STYXL2: variants seen among roughly 807,000 people sequenced by gnomAD.
STYXL2 encodes the protein serine/threonine/tyrosine-interacting-like protein 2.
In STYXL2, 44 loss-of-function variants were observed where a neutral mutation model predicts 52.4. That is an observed-to-expected ratio of 0.84 (90% CI 0.66 to 1.08). The LOEUF (loss-of-function observed/expected upper bound fraction) is 1.08, where lower values mean the gene tolerates loss of function less well. STYXL2 is among the 50% of genes least tolerant of loss of function. STYXL2 has a pLI of 0.00. For synonymous variants in STYXL2, 604 were observed against 586.9 expected, an observed-to-expected ratio of 1.03 and a Z score of -0.42; for missense variants, 1,604 against 1,471.7, an observed-to-expected ratio of 1.09 and a Z score of -1.47.
intron 2 of STYXL2, among the ~76,000 whole-genome samples, chr1:167,103,084 C>T (rs561018221): frequency 2.3e-4 from 24 of 105,116 alleles, no homozygotes; most frequent in African/African-American, 7.2e-4. Context: ...CTGTTGGCTA[C>T]GGGCGTTTCT....
chr1:167,095,040 C>T (rs1667254391), intron 2 of STYXL2, 81 bp downstream of exon 2: 1 of 1,009,472 alleles, frequency 9.9e-7, no homozygotes, highest in Non-Finnish European at 1.5e-6. Flanking sequence ...CTCCAGGGAG[C>T]CTGCAGCCAT....
chr1:167,122,058 G>A (rs114357503), intron 5 of STYXL2, among the ~76,000 whole-genome samples: 5 of 152,100 alleles, frequency 3.3e-5, no homozygotes, highest in Non-Finnish European at 5.9e-5. Flanking sequence ...TAATCACAAA[G>A]AGCCTATGAG....
chr1:167,096,789 TAGTC>T (rs1256598702), intron 2 of STYXL2, among the ~76,000 whole-genome samples: 1 of 152,222 alleles, frequency 6.6e-6, no homozygotes, highest in Non-Finnish European at 1.5e-5. Context: ...TGTACTCCTC[TAGTC>T]AGTCAATCCA....
chr1:167,094,792 G>C (rs1667246165), intron 1 of STYXL2, 42 bp from the exon 2 acceptor site: 1 of 1,407,758 alleles, frequency 7.1e-7, no homozygotes, highest in African/African-American at 1.4e-5. Flanking sequence ...AAAACCTCAG[G>C]AACCTAATTC....
chr1:167,123,517 G>T (rs1051711442), intron 5 of STYXL2, among the ~76,000 whole-genome samples: 1 of 152,260 alleles, frequency 6.6e-6, no homozygotes, highest in East Asian at 1.9e-4. Flanking sequence ...CCTGGTCAGA[G>T]GGTGGAGGGG....
chr1:167,109,243 C>G (rs1441259365), intron 2 of STYXL2, among the ~76,000 whole-genome samples: 1 of 152,200 alleles, frequency 6.6e-6, no homozygotes, highest in Non-Finnish European at 1.5e-5. Context: ...GTGGCAGGGC[C>G]TGAAAGCTCT....
rs779561513 is a variant in STYXL2 at position 167,117,411 on chromosome 1, T to C, written c.289T>C (p.Tyr97His). The C allele has an allele frequency of 6.2e-7, 1 of 1,612,638 alleles. No individual in the cohort carries two copies. Among genetic ancestry groups the C allele is most frequent in the Non-Finnish European group, 8.5e-7 (1 of 1,179,500 alleles). ...TGAACAGCTGCTGGTGGAGGACCTG[T>C]ACAACCGCGTCAGGGAGAAGATGGA... ...SAEQLLVEDL[Y>H]NRVREKMDDT... Residue 97 changes from tyrosine to histidine, a missense_variant, in exon 4 of 6, where the codon TAC (tyrosine) becomes CAC (histidine). Tyr to His is a moderately conservative substitution (Grantham distance 83, BLOSUM62 2). Transcript: ENST00000361200.
chr1:167,105,658 G>A (rs140390696), intron 2 of STYXL2, among the ~76,000 whole-genome samples: 7 of 152,196 alleles, frequency 4.6e-5, no homozygotes, highest in Middle Eastern at 3.4e-3. Flanking sequence ...GAAAACAAGC[G>A]TCCGTTTTAG....
rs930940131 is a variant in STYXL2 at position 167,113,795 on chromosome 1, A to G, written c.196A>G (p.Ile66Val). 5.0e-6 allele frequency: 8 copies of G among 1,613,132 alleles called. No individual in the cohort carries two copies. The African/African-American group carries it at 9.3e-5, about 19-fold the overall frequency. Residue 66 changes from isoleucine (I) to valine (V), a missense_variant, in exon 3 of 6, where the codon ATC becomes GTC. Ile to Val is a conservative substitution (Grantham distance 29). Transcript: ENST00000361200. ...LSSAIAAKQI[I>V]NEELKPPGVR... is the part of the protein sequence containing the mutation. ...CTCAGCCATTGCAGCCAAACAGATC[A>G]TCAATGAAGGTAATGCAATCAAAAG...
chr1:167,106,268 T>C (rs1667505846), intron 2 of STYXL2, among the ~76,000 whole-genome samples: 1 of 152,184 alleles, frequency 6.6e-6, no homozygotes, highest in South Asian at 2.1e-4. Context: ...TGCAAGGCCT[T>C]TCTGCACACC....
At chr1:167,095,271 G>A (rs200069164) in intron 2 of STYXL2, among the ~76,000 whole-genome samples, 2 of 150,878 alleles carry the variant, frequency 1.3e-5, no homozygotes, top group East Asian at 3.9e-4. Flanking sequence ...TGATGGACCC[G>A]AACCTCAGAG....
rs1247342382 is a variant in STYXL2 at position 167,117,308 on chromosome 1, A to G, written c.206-20A>G. 3 of 1,583,768 alleles carry G rather than the reference A, an allele frequency of 1.9e-6. No homozygotes were observed. The highest frequency in any genetic ancestry group is 2.6e-6 in the Non-Finnish European group (3 of 1,163,164). On this transcript the variant is annotated intron_variant, in intron 3 of 5. Coordinates refer to ENST00000361200, the MANE Select transcript of STYXL2 (RefSeq NM_001080426.3). ...TGATGTTCCTAACTCTCTGATGAGA[A>G]TGCTGCCTGTCTCCTCTAGAACTCA...
intron 1 of STYXL2, chr1:167,094,462 T>C (rs972882781): frequency 1.1e-5 from 3 of 273,898 alleles, no homozygotes; most frequent in African/African-American, 6.6e-5. Flanking sequence ...CGTGTGTGTA[T>C]GCACATCCTA....
intron 2 of STYXL2, among the ~76,000 whole-genome samples, chr1:167,101,678 C>A (rs187117919): frequency 2.6e-5 from 4 of 152,124 alleles, no homozygotes; most frequent in Admixed American, 2.6e-4. Context: ...GTGGTGGGCA[C>A]CTGTAAGCCC....
intron 2 of STYXL2, among the ~76,000 whole-genome samples, chr1:167,110,444 A>T (rs1667594568): frequency 6.6e-6 from 1 of 152,260 alleles, no homozygotes; most frequent in Non-Finnish European, 1.5e-5. Flanking sequence ...CACCAGAGAA[A>T]GGTGAAAATC....
At position 167,127,425 on chromosome 1, in the gene STYXL2, A is replaced by C; in HGVS notation, c.2294A>C (p.Asp765Ala). 1 of 1,613,984 alleles carries C rather than the reference A, an allele frequency of 6.2e-7. No homozygotes were observed. The highest frequency in any genetic ancestry group is 8.5e-7 in the Non-Finnish European group (1 of 1,179,964). ...GTACCAGCGGCTAGCTGCCTGGGGGATGACCAAGTCTCCATGCTTAGTGGA... is the reference window on the plus strand; with the variant it reads ...GTACCAGCGGCTAGCTGCCTGGGGGCTGACCAAGTCTCCATGCTTAGTGGA... ...KAVPAASCLG[D>A]DQVSMLSGHS... The change falls in exon 6 of 6, where the codon GAT becomes GCT. Residue 765 changes from aspartate to alanine, a missense_variant. Transcript: ENST00000361200.
intron 3 of STYXL2, among the ~76,000 whole-genome samples, chr1:167,114,099 G>A (rs1274209803): frequency 6.6e-6 from 1 of 152,164 alleles, no homozygotes; most frequent in Admixed American, 6.5e-5. Flanking sequence ...GCTTATGGCA[G>A]AGGCACAGAC....
intron 5 of STYXL2, among the ~76,000 whole-genome samples, chr1:167,121,816 G>A (rs1206490461): frequency 6.6e-6 from 1 of 152,238 alleles, no homozygotes; most frequent in Non-Finnish European, 1.5e-5. Flanking sequence ...CGCCCTGCGG[G>A]CATCTCCTCC....
chr1:167,121,017 C>CT (rs11404266), intron 5 of STYXL2, among the ~76,000 whole-genome samples: 87,238 of 141,066 alleles, frequency 0.62, 27,425 homozygotes, highest in East Asian at 0.89. Context: ...TTAAAAACTC[C>CT]TTTTTTTTTT....
Sources: gnomAD v4.1 joint callset for allele counts (sites outside exome capture counted in the v4.1 genomes callset) on GRCh38, gnomAD v4.1.1 for gene constraint, MANE v1.5 for transcripts, NCBI Gene and HGNC (gene_info 2026-07-23, HGNC 2026-07-21) for gene names.